SNX24: variants seen among roughly 807,000 people sequenced by gnomAD.
SNX24 encodes the protein sorting nexin-24.
Under a neutral mutation model 28.7 loss-of-function variants are expected in SNX24, and 22 were observed. The observed-to-expected ratio is 0.77, with a 90% CI of 0.55 to 1.10. The LOEUF (loss-of-function observed/expected upper bound fraction) is 1.10. Ranked by LOEUF, SNX24 falls within the 50% of genes least tolerant of loss-of-function variation. The probability of loss-of-function intolerance (pLI) is 0.00; values close to 1 mark genes in which losing one functional copy is unlikely to be tolerated. For missense variants in SNX24, 221 were observed against 201.1 expected (o/e 1.10, Z -0.60); for synonymous variants, 69 against 71.5 (o/e 0.96, Z 0.18).
At chr5:122,873,711 T>G (rs1418703685) in intron 1 of SNX24, among the ~76,000 whole-genome samples, 3 of 152,110 alleles carry the variant, frequency 2.0e-5, no homozygotes, top group Non-Finnish European at 4.4e-5. Context: ...CTTTCGGTAG[T>G]TTTCTTTTGA....
At chr5:122,922,181 C>T (rs1418784193) in intron 1 of SNX24, among the ~76,000 whole-genome samples, 1 of 152,146 alleles carries the variant, frequency 6.6e-6, no homozygotes, top group African/African-American at 2.4e-5. Flanking sequence ...GTAAATTTTT[C>T]ATCAGATAAC....
rs192583774 is a variant in SNX24, at chr5:122,905,942, C to T, written c.61-30792C>T. On this transcript the variant is annotated intron_variant, in intron 1 of 6. Transcript: ENST00000261369. ...ACATTCAGCCACAGTTAAGTACCTACTATGTGGTAAAGTCTTAAATAGACA... is the reference window on the plus strand; with the variant it reads ...ACATTCAGCCACAGTTAAGTACCTATTATGTGGTAAAGTCTTAAATAGACA... Among the ~76,000 whole-genome samples the T allele has an allele frequency of 1.4e-3, 217 of 152,248 alleles. 1 individual carries two copies. Among genetic ancestry groups the T allele is most frequent in the African/African-American group, 5.2e-3 (215 of 41,528 alleles).
chr5:122,974,272 C>T (rs1417080931), intron 3 of SNX24, among the ~76,000 whole-genome samples: 1 of 152,206 alleles, frequency 6.6e-6, no homozygotes, highest in Non-Finnish European at 1.5e-5. Flanking sequence ...GCAAGTGTCT[C>T]ACCAATAAGT....
rs758617172 is a variant in SNX24, at chr5:122,884,251, C to CTTT, written c.60+38576_60+38578dup. 5.5e-3 allele frequency among the ~76,000 whole-genome samples: 509 copies of CTTT among 92,748 alleles called. 22 individuals carry two copies. Among genetic ancestry groups the CTTT allele is most frequent in the African/African-American group, 8.9e-3 (202 of 22,600 alleles). The allele number at this position is 92,748 out of a possible 152,430, so 60.8% of individuals were successfully genotyped here. ...TAATTACCCTCAATTGTTTCTTTTT[C>CTTT]TTTTTTTTTTTTTTTTTTTTCAGAC... On this transcript the variant is annotated intron_variant, in intron 1 of 6. Coordinates refer to ENST00000261369, the MANE Select transcript of SNX24 (RefSeq NM_014035.4).
intron 1 of SNX24, among the ~76,000 whole-genome samples, chr5:122,899,954 C>T (rs1278337793): frequency 6.6e-6 from 1 of 151,988 alleles, no homozygotes; most frequent in Non-Finnish European, 1.5e-5. Flanking sequence ...CCCTTTTTTC[C>T]AGCTTTACTG....
intron 1 of SNX24, among the ~76,000 whole-genome samples, chr5:122,923,868 A>C (rs1269116545): frequency 6.6e-6 from 1 of 152,214 alleles, no homozygotes; most frequent in Non-Finnish European, 1.5e-5. Context: ...ATAATGATTC[A>C]TCCATTCATC....
intron 5 of SNX24, among the ~76,000 whole-genome samples, chr5:123,016,143 A>T (rs1353461685): frequency 6.6e-6 from 1 of 152,208 alleles, no homozygotes; most frequent in East Asian, 1.9e-4. Flanking sequence ...GAATAATGTG[A>T]TATTGGCTGG....
At chr5:122,899,813 G>GGCA (rs1757355059) in intron 1 of SNX24, among the ~76,000 whole-genome samples, 1 of 152,180 alleles carries the variant, frequency 6.6e-6, no homozygotes, top group Non-Finnish European at 1.5e-5. Context: ...AACCTCCCAA[G>GGCA]GCAGTGTATG....
At chr5:122,917,267 A>AG (rs1561593230) in intron 1 of SNX24, among the ~76,000 whole-genome samples, 1 of 151,878 alleles carries the variant, frequency 6.6e-6, no homozygotes, top group African/African-American at 2.4e-5. Context: ...AAAAAAAAAA[A>AG]AAAGAAAGAA....
chr5:123,026,047 G>T (rs1762848403), intron 5 of SNX24: 1 of 1,257,436 alleles, frequency 8.0e-7, no homozygotes, highest in African/African-American at 1.5e-5. Flanking sequence ...GGCCTTAGAG[G>T]AATCAATTAC....
intron 1 of SNX24, among the ~76,000 whole-genome samples, chr5:122,901,963 TC>T (rs775127769): frequency 1.9e-4 from 29 of 152,196 alleles, no homozygotes; most frequent in Non-Finnish European, 3.5e-4. Flanking sequence ...CAAACAATAT[TC>T]TTTTGTCTTA....
At chr5:122,872,568 TATTTGC>T (rs1391765714) in intron 1 of SNX24, among the ~76,000 whole-genome samples, 1 of 152,294 alleles carries the variant, frequency 6.6e-6, no homozygotes, top group African/African-American at 2.4e-5. Context: ...AATGGCCTAG[TATTTGC>T]ATATAAACTA....
chr5:123,008,344 G>C lies in SNX24; in HGVS notation c.*595G>C. The C allele has an allele frequency of 2.1e-6, 2 of 969,538 alleles. No homozygotes were observed. The highest frequency in any genetic ancestry group is 2.5e-6 in the Non-Finnish European group (2 of 815,496). 60.1% of individuals were successfully genotyped at this position (969,538 alleles called of 1,614,324 possible). A position where few individuals can be genotyped will look rare whatever the true frequency, so the allele number is the denominator to read the frequency against. ...TGGCATTTTAATTTACATTAGAGTGGAGTTGCATCATACTCAGGGGTTAGC... is the reference window on the plus strand; with the variant it reads ...TGGCATTTTAATTTACATTAGAGTGCAGTTGCATCATACTCAGGGGTTAGC... On this transcript the variant is annotated 3_prime_UTR_variant, in exon 7 of 7. Coordinates refer to ENST00000261369, the MANE Select transcript of SNX24 (RefSeq NM_014035.4).
At chr5:122,931,610 A>T (rs1159680157) in intron 1 of SNX24, among the ~76,000 whole-genome samples, 1 of 152,112 alleles carries the variant, frequency 6.6e-6, no homozygotes, top group Non-Finnish European at 1.5e-5. Context: ...ATATACATAT[A>T]TATGCATGTA....
intron 3 of SNX24, chr5:122,998,067 G>C (rs962715865): frequency 6.6e-6 from 1 of 152,098 alleles, no homozygotes; most frequent in Non-Finnish European, 1.5e-5. Context: ...AAATGTCCTT[G>C]AATAGGTAAA....
At chr5:122,893,605 T>C (rs773817841) in intron 1 of SNX24, among the ~76,000 whole-genome samples, 1 of 152,236 alleles carries the variant, frequency 6.6e-6, no homozygotes, top group Non-Finnish European at 1.5e-5. Context: ...TGTATCTCTT[T>C]TTCCCTCATG....
At chr5:122,930,798 C>T in intron 1 of SNX24, among the ~76,000 whole-genome samples, 1 of 152,182 alleles carries the variant, frequency 6.6e-6, no homozygotes, top group Admixed American at 6.5e-5. Context: ...TCAATACACA[C>T]ACACATACAT....
intron 5 of SNX24, among the ~76,000 whole-genome samples, chr5:123,019,556 A>G (rs1293935884): frequency 6.6e-6 from 1 of 152,264 alleles, no homozygotes; most frequent in Non-Finnish European, 1.5e-5. Context: ...ACCCAAAAGT[A>G]AATTTTACTG....
chr5:122,944,783 C>A (rs995484726), intron 2 of SNX24, among the ~76,000 whole-genome samples: 3 of 152,156 alleles, frequency 2.0e-5, no homozygotes, highest in African/African-American at 7.2e-5. Context: ...TATACTCTTA[C>A]ATATGGAAAG....
Sources: allele counts gnomAD v4.1 joint callset (sites outside exome capture counted in the v4.1 genomes callset), GRCh38; gene constraint gnomAD v4.1.1; transcripts MANE v1.5; gene names NCBI Gene and HGNC (gene_info 2026-07-23, HGNC 2026-07-21).